Variants in STXBP5L observed in about 807,000 individuals in gnomAD.
STXBP5L encodes the protein syntaxin binding protein 5L.
In STXBP5L, 65 loss-of-function variants were observed where a neutral mutation model predicts 144.5. The observed-to-expected ratio is 0.45, with a 90% CI of 0.37 to 0.55. The LOEUF (loss-of-function observed/expected upper bound fraction) is 0.55. Ranked by LOEUF, STXBP5L falls within the 20% of genes least tolerant of loss-of-function variation. The pLI is 0.00. For synonymous variants in STXBP5L, 505 were observed against 469.6 expected (o/e 1.08, Z -0.97); for missense variants, 1,298 against 1,405.5 (o/e 0.92, Z 1.22).
chr3:121,122,420 G>C (rs1014573474), intron 7 of STXBP5L, among the ~76,000 whole-genome samples: 2 of 150,994 alleles, frequency 1.3e-5, no homozygotes, highest in African/African-American at 4.8e-5. Flanking sequence ...TATTTTTTAA[G>C]AATTCAAAAG....
chr3:121,341,539 T>C (rs2044712769), intron 20 of STXBP5L, among the ~76,000 whole-genome samples: 1 of 151,782 alleles, frequency 6.6e-6, no homozygotes, highest in Non-Finnish European at 1.5e-5. Context: ...AGAAAGGAAA[T>C]TTGTATATGG....
chr3:121,228,217 T>C (rs910098828), intron 11 of STXBP5L, among the ~76,000 whole-genome samples: 1 of 152,134 alleles, frequency 6.6e-6, no homozygotes, highest in African/African-American at 2.4e-5. Context: ...TTTTCTGAAG[T>C]AGTCAAAACC....
chr3:120,939,208 C>T lies in STXBP5L; in HGVS notation c.190-15732C>T, dbSNP rs893883625. ...AAAGTGTTTTTCATTGTGTCTAGTA[C>T]GTAGTAAACAAATGGTAGGGATATC... is the stretch of plus-strand genomic sequence containing the variant. On this transcript the variant is annotated intron_variant, in intron 2 of 26. Coordinates refer to ENST00000471454, the MANE Select transcript of STXBP5L (RefSeq NM_001308330.2). Among the ~76,000 whole-genome samples the T allele has an allele frequency of 3.9e-5, 6 of 152,116 alleles. No individual in the cohort carries two copies. The East Asian group carries it at 9.7e-4, about 25-fold the overall frequency.
intron 19 of STXBP5L, among the ~76,000 whole-genome samples, chr3:121,315,764 G>A (rs891932242): frequency 2.6e-5 from 4 of 152,108 alleles, no homozygotes; most frequent in Non-Finnish European, 2.9e-5. Flanking sequence ...CACTTTGGGA[G>A]GCTGAGGCAG....
intron 9 of STXBP5L, among the ~76,000 whole-genome samples, chr3:121,174,525 G>C (rs1488811094): frequency 6.6e-6 from 1 of 152,090 alleles, no homozygotes; most frequent in Non-Finnish European, 1.5e-5. Context: ...TTGAAATCTG[G>C]GGAGAGAAAG....
intron 3 of STXBP5L, among the ~76,000 whole-genome samples, chr3:120,974,262 T>C (rs1225415418): frequency 6.6e-6 from 1 of 152,178 alleles, no homozygotes; most frequent in African/African-American, 2.4e-5. Context: ...TATCTCATTG[T>C]GGTTTTGATT....
chr3:121,184,226 A>G (rs2047276836), intron 9 of STXBP5L, among the ~76,000 whole-genome samples: 1 of 152,052 alleles, frequency 6.6e-6, no homozygotes, highest in Admixed American at 6.6e-5. Flanking sequence ...TGATGAACCG[A>G]CAGAAGTAGG....
intron 9 of STXBP5L, among the ~76,000 whole-genome samples, chr3:121,188,107 G>C (rs777443395): frequency 1.3e-5 from 2 of 152,082 alleles, no homozygotes; most frequent in African/African-American, 2.4e-5. Flanking sequence ...ACACTCTACT[G>C]TCAGTAACAG....
At chr3:121,114,895 A>T in intron 5 of STXBP5L, 30 bp from the exon 6 acceptor site, 1 of 1,412,006 alleles carries the variant, frequency 7.1e-7, no homozygotes, top group Non-Finnish European at 9.4e-7. Context: ...TAAAATTTAG[A>T]TATTTTAATT....
chr3:121,128,076 A>G (rs1262910933), intron 7 of STXBP5L, among the ~76,000 whole-genome samples: 12 of 152,084 alleles, frequency 7.9e-5, no homozygotes. Flanking sequence ...TAGAATACCT[A>G]CCAAAGGAAT....
At chr3:121,087,590 C>T (rs1398770150) in intron 5 of STXBP5L, among the ~76,000 whole-genome samples, 1 of 151,964 alleles carries the variant, frequency 6.6e-6, no homozygotes, top group Non-Finnish European at 1.5e-5. Flanking sequence ...TTCTTATAGA[C>T]AAGCGTATAG....
At chr3:121,010,503 C>G (rs1344545072) in intron 3 of STXBP5L, among the ~76,000 whole-genome samples, 16 of 151,400 alleles carry the variant, frequency 1.1e-4, no homozygotes. Flanking sequence ...TCAATCCTGG[C>G]AAGCAGAAGA....
chr3:120,980,526 G>T (rs541613030), intron 3 of STXBP5L, among the ~76,000 whole-genome samples: 3 of 150,430 alleles, frequency 2.0e-5, no homozygotes, highest in Non-Finnish European at 3.0e-5. Context: ...AGCTATTCCT[G>T]CTCATTTTTG....
chr3:121,416,177 A>G (rs1410826069), intron 25 of STXBP5L, among the ~76,000 whole-genome samples: 1 of 152,068 alleles, frequency 6.6e-6, no homozygotes, highest in Non-Finnish European at 1.5e-5. Flanking sequence ...ACTTCATATT[A>G]GGAAATTGTT....
chr3:121,126,422 G>A (rs1268203656), intron 7 of STXBP5L, among the ~76,000 whole-genome samples: 1 of 152,138 alleles, frequency 6.6e-6, no homozygotes, highest in African/African-American at 2.4e-5. Flanking sequence ...GATTTTTGAA[G>A]TTAGGTTGTC....
chr3:120,998,157 C>T (rs897927135), intron 3 of STXBP5L, among the ~76,000 whole-genome samples: 3 of 152,254 alleles, frequency 2.0e-5, no homozygotes, highest in African/African-American at 7.2e-5. Flanking sequence ...TAATTATTCC[C>T]CTTGAAAACC....
chr3:121,397,660 C>A (rs969860022), intron 22 of STXBP5L, among the ~76,000 whole-genome samples: 1 of 152,162 alleles, frequency 6.6e-6, no homozygotes, highest in Admixed American at 6.5e-5. Flanking sequence ...TACCCCATTT[C>A]ATGCATTATA....
At chr3:121,038,866 G>A (rs1313055327) in intron 3 of STXBP5L, among the ~76,000 whole-genome samples, 8 of 151,648 alleles carry the variant, frequency 5.3e-5, no homozygotes, top group Non-Finnish European at 1.2e-4. Flanking sequence ...GTAATGTTCT[G>A]TATTCTGAAA....
chr3:121,187,400 G>T (rs992551725), intron 9 of STXBP5L, among the ~76,000 whole-genome samples: 1 of 131,744 alleles, frequency 7.6e-6, no homozygotes, highest in Non-Finnish European at 1.6e-5. Context: ...GGGGCCTGTT[G>T]TAGGGTGGGG....
Sources: gnomAD v4.1 joint callset for allele counts (sites outside exome capture counted in the v4.1 genomes callset) on GRCh38, gnomAD v4.1.1 for gene constraint, MANE v1.5 for transcripts, NCBI Gene and HGNC (gene_info 2026-07-23, HGNC 2026-07-21) for gene names.